Variants in PRKG1 observed in about 807,000 individuals in gnomAD.
The protein encoded by PRKG1 is cGMP-dependent protein kinase 1.
A neutral mutation model predicts 88.1 loss-of-function variants in PRKG1; 35 were observed. The ratio of observed to expected loss-of-function variants is 0.40; its 90% confidence interval spans 0.30 to 0.53. The LOEUF (loss-of-function observed/expected upper bound fraction) is 0.53. Among genes scored for constraint, PRKG1 ranks in the 20% least tolerant of loss-of-function variants. PRKG1 has a pLI of 0.59. For missense variants in PRKG1, 540 were observed against 839.8 expected (o/e 0.64, Z 4.41); for synonymous variants, 303 against 292.5 (o/e 1.04, Z -0.37).
intron 4 of PRKG1, among the ~76,000 whole-genome samples, chr10:51,888,069 C>T (rs1841617930): frequency 1.3e-5 from 2 of 152,016 alleles, no homozygotes; most frequent in Non-Finnish European, 2.9e-5. Context: ...CACAAAAGAA[C>T]ACAAATAAAT....
intron 5 of PRKG1, among the ~76,000 whole-genome samples, chr10:51,918,305 C>T (rs1259883466): frequency 4.0e-5 from 6 of 151,658 alleles, no homozygotes; most frequent in Non-Finnish European, 8.8e-5. Flanking sequence ...ATAGGTTGTA[C>T]TTCCTTCTGA....
rs139970917 is a variant in PRKG1, at chr10:51,104,698, T to TTTTTTTTATTTA, written c.311+29800_311+29801insTTTTATTTATTT. Among the ~76,000 whole-genome samples, 4 of 136,154 alleles carry TTTTTTTTATTTA rather than the reference T, an allele frequency of 2.9e-5. No individual in the cohort carries two copies. In the East Asian group the frequency reaches 8.7e-4, roughly 29 times the overall value. 89.3% of individuals were successfully genotyped at this position (136,154 alleles called of 152,430 possible). On this transcript the variant is annotated intron_variant, in intron 1 of 17. Coordinates refer to ENST00000373980, the MANE Select transcript of PRKG1 (RefSeq NM_006258.4). ...CACACCTGGCTAATTTTTATTTTTA[T>TTTTTTTTATTTA]TTTATTTATTTATTTATTTATTTAT...
chr10:51,074,064 G>T (rs889984421), upstream of PRKG1, among the ~76,000 whole-genome samples: 36 of 151,958 alleles, frequency 2.4e-4, no homozygotes, highest in African/African-American at 8.4e-4. Context: ...GTTTGCCCGG[G>T]GTCCTCCCTG....
chr10:51,874,576 A>C (rs1184733950), intron 4 of PRKG1, among the ~76,000 whole-genome samples: 1 of 152,216 alleles, frequency 6.6e-6, no homozygotes, highest in Non-Finnish European at 1.5e-5. Context: ...AAAGCTTAAG[A>C]GCATCTAAAT....
At chr10:52,247,641 TA>T (rs1349879669) in intron 9 of PRKG1, among the ~76,000 whole-genome samples, 3 of 152,266 alleles carry the variant, frequency 2.0e-5, no homozygotes, top group East Asian at 1.9e-4. Context: ...AACAGTTAAA[TA>T]TCCGAAAAAT....
At chr10:52,134,365 A>G (rs1381782262) in intron 8 of PRKG1, among the ~76,000 whole-genome samples, 1 of 152,160 alleles carries the variant, frequency 6.6e-6, no homozygotes. Flanking sequence ...TCCATAATAG[A>G]AGCATTTAGG....
intron 5 of PRKG1, among the ~76,000 whole-genome samples, chr10:51,917,477 T>G (rs1038609727): frequency 5.3e-5 from 8 of 152,186 alleles, no homozygotes; most frequent in African/African-American, 1.9e-4. Context: ...AAAGCTGTTA[T>G]TAAAAAGTAC....
chr10:51,526,086 C>G (rs1489843279), intron 3 of PRKG1, among the ~76,000 whole-genome samples: 1 of 152,108 alleles, frequency 6.6e-6, no homozygotes, highest in East Asian at 1.9e-4. Context: ...TCCCAAAGTG[C>G]TAGGATTACA....
chr10:51,478,314 T>A (rs2132840249), intron 3 of PRKG1, among the ~76,000 whole-genome samples: 1 of 152,204 alleles, frequency 6.6e-6, no homozygotes, highest in Non-Finnish European at 1.5e-5. Flanking sequence ...TCAAGACTTG[T>A]GGTGTTCAAT....
Position 51,545,497 on chromosome 10 carries a change from C to T in PRKG1, c.592+77661C>T, listed in dbSNP as rs73339974. Among the ~76,000 whole-genome samples the T allele has an allele frequency of 2.5e-3, 380 of 152,200 alleles. 2 individuals are homozygous for T. Among genetic ancestry groups the T allele is most frequent in the African/African-American group, 8.6e-3 (357 of 41,552 alleles). ...GGATGGAAAGCATCCCTTCCTGGGG[C>T]ATACACTTAATCAGAATATGTAGAC... is the stretch of plus-strand genomic sequence containing the variant. On this transcript the variant is annotated intron_variant, in intron 3 of 17. Coordinates refer to ENST00000373980, the MANE Select transcript of PRKG1 (RefSeq NM_006258.4).
chr10:52,140,450 T>C (rs1416129434), intron 8 of PRKG1, among the ~76,000 whole-genome samples: 1 of 152,036 alleles, frequency 6.6e-6, no homozygotes, highest in Admixed American at 6.6e-5. Context: ...CTTCTGTAAC[T>C]CTTTCGCATT....
At chr10:51,728,422 A>G (rs1429633981) in intron 3 of PRKG1, among the ~76,000 whole-genome samples, 2 of 151,286 alleles carry the variant, frequency 1.3e-5, no homozygotes, top group African/African-American at 4.8e-5. Flanking sequence ...GCTCTTTACA[A>G]CAAACAATAG....
chr10:52,154,846 C>T (rs147205184), intron 8 of PRKG1, among the ~76,000 whole-genome samples: 2,300 of 152,164 alleles, frequency 0.015, 39 homozygotes, highest in South Asian at 0.046. Flanking sequence ...ATTCTTATGC[C>T]TTTGCATTCT....
At chr10:52,100,693 G>A (rs1397940363) in intron 7 of PRKG1, among the ~76,000 whole-genome samples, 2 of 152,168 alleles carry the variant, frequency 1.3e-5, no homozygotes, top group African/African-American at 2.4e-5. Flanking sequence ...CAAAACGAGA[G>A]CCTTTATCCA....
chr10:51,755,651 C>A (rs773287858), intron 3 of PRKG1, among the ~76,000 whole-genome samples: 24 of 152,204 alleles, frequency 1.6e-4, no homozygotes, highest in Admixed American at 3.9e-4. Context: ...TAAATGGAAT[C>A]TAATCAAGCT....
chr10:51,089,359 A>C (rs1279810044), intron 1 of PRKG1, among the ~76,000 whole-genome samples: 1 of 152,216 alleles, frequency 6.6e-6, no homozygotes, highest in African/African-American at 2.4e-5. Context: ...CAGCCAGAAC[A>C]CGTACTAAGA....
intron 4 of PRKG1, among the ~76,000 whole-genome samples, chr10:51,831,743 C>T (rs1302463337): frequency 1.3e-5 from 2 of 152,134 alleles, no homozygotes; most frequent in Non-Finnish European, 2.9e-5. Context: ...GAGGGCCCAT[C>T]CTCGGCCCTT....
At chr10:51,688,083 C>T (rs1044238915) in intron 3 of PRKG1, among the ~76,000 whole-genome samples, 4 of 152,148 alleles carry the variant, frequency 2.6e-5, no homozygotes, top group Admixed American at 6.6e-5. Flanking sequence ...AAAATCCCTT[C>T]TATTTGTCAT....
At chr10:51,888,958 G>C (rs924799753) in intron 4 of PRKG1, among the ~76,000 whole-genome samples, 2 of 151,978 alleles carry the variant, frequency 1.3e-5, no homozygotes, top group Non-Finnish European at 2.9e-5. Flanking sequence ...ACGTGACTGG[G>C]ACTTAAATAA....
Sources: gnomAD v4.1 joint callset for allele counts (sites outside exome capture counted in the v4.1 genomes callset) on GRCh38, gnomAD v4.1.1 for gene constraint, MANE v1.5 for transcripts, NCBI Gene and HGNC (gene_info 2026-07-23, HGNC 2026-07-21) for gene names.